PATL1: variants seen among roughly 807,000 people sequenced by gnomAD.
PATL1 encodes PAT1 homolog 1, processing body mRNA decay factor, also known as protein PAT1 homolog 1.
Under a neutral mutation model 100.6 loss-of-function variants are expected in PATL1, and 32 were observed. That is an observed-to-expected ratio of 0.32 (90% CI 0.24 to 0.43). The LOEUF (loss-of-function observed/expected upper bound fraction) is 0.43, where lower values mean the gene tolerates loss of function less well. Ranked by LOEUF, PATL1 falls within the 20% of genes least tolerant of loss-of-function variation. PATL1 has a pLI of 1.00. For synonymous variants in PATL1, 332 were observed against 330.0 expected, an observed-to-expected ratio of 1.01 and a Z score of -0.07; for missense variants, 747 against 949.9, an observed-to-expected ratio of 0.79 and a Z score of 2.81.
In PATL1 at chr11:59,656,554, C is replaced by T. The variant is rs778414069; in HGVS notation, c.668G>A (p.Arg223His). 8 of 1,613,854 alleles carry T rather than the reference C, an allele frequency of 5.0e-6. No individual in the cohort carries two copies. Among genetic ancestry groups the T allele is most frequent in the African/African-American group, 4.0e-5 (3 of 74,916 alleles). The change falls in exon 6 of 19, where the codon CGT becomes CAT. Residue 223 changes from arginine to histidine, a missense_variant. By Grantham distance (29) the Arg-to-His change is conservative. This residue lies in a region of PATL1 where 127 missense variants were observed against 116.0 expected (regional missense o/e 1.09). Coordinates refer to ENST00000300146, the MANE Select transcript of PATL1 (RefSeq NM_152716.3). The stretch of plus-strand genomic sequence containing the variant: ...CCTCTCACCATAGGGAGCAGGATAA[C>T]GAGGTGGCATTGGGGGCCGAACATG... ...PVHVRPPMPP[R>H]YPAPYGERMS...
At chr11:59,644,890 C>T (rs1479807670) in intron 15 of PATL1, among the ~76,000 whole-genome samples, 44 of 83,790 alleles carry the variant, frequency 5.3e-4, no homozygotes, top group East Asian at 1.4e-3. Flanking sequence ...ACTTCGTTTC[C>T]TTTTTTTTTT....
At chr11:59,638,637 A>G (rs1861227147) in intron 18 of PATL1, among the ~76,000 whole-genome samples, 2 of 152,146 alleles carry the variant, frequency 1.3e-5, no homozygotes, top group South Asian at 4.2e-4. Context: ...AATCTCTTCC[A>G]CCAAATTCAG....
chr11:59,636,956 G>A lies in PATL1; in HGVS notation c.*1434C>T, dbSNP rs1435265603. On this transcript the variant is annotated 3_prime_UTR_variant, in exon 19 of 19. Coordinates refer to ENST00000300146, the MANE Select transcript of PATL1 (RefSeq NM_152716.3). ...TAACATCACTGGGGAACAGCTGGTG[G>A]AGCCTGGGGTTACAGCATGGGAAGA... The A allele has an allele frequency of 6.5e-6, 1 of 152,706 alleles. No individual in the cohort carries two copies. Among genetic ancestry groups the A allele is most frequent in the African/African-American group, 2.4e-5 (1 of 41,426 alleles). The allele number at this position is 152,706 out of a possible 1,614,324, so 9.5% of individuals were successfully genotyped here. A position where few individuals can be genotyped will look rare whatever the true frequency, so the allele number is the denominator to read the frequency against.
chr11:59,668,827 AG>A, intron 1 of PATL1, 53 bp downstream of exon 1: 1 of 804,300 alleles, frequency 1.2e-6, no homozygotes. Flanking sequence ...AGAGAGAGTG[AG>A]GGAGAGGGGC....
chr11:59,666,062 C>T (rs948133848), intron 2 of PATL1, among the ~76,000 whole-genome samples: 24 of 152,012 alleles, frequency 1.6e-4, no homozygotes, highest in African/African-American at 4.8e-4. Flanking sequence ...CCGAGATGGG[C>T]GGATCACGAG....
chr11:59,663,040 T>C (rs1861647578), intron 2 of PATL1, among the ~76,000 whole-genome samples: 1 of 152,180 alleles, frequency 6.6e-6, no homozygotes, highest in Admixed American at 6.5e-5. Context: ...ATTTTAGAGA[T>C]ATTGTGCCCT....
In PATL1 at chr11:59,666,881, A is replaced by G. The variant is rs1861698043; in HGVS notation, c.99T>C (p.Asn33=). 1.3e-6 allele frequency: 2 copies of G among 1,550,988 alleles called. No individual in the cohort carries two copies. Among genetic ancestry groups the G allele is most frequent in the Non-Finnish European group, 1.7e-6 (2 of 1,146,880 alleles). Residue 33 remains asparagine (N), a synonymous_variant, in exon 2 of 19, where the codon AAT becomes AAC. Coordinates refer to ENST00000300146, the MANE Select transcript of PATL1 (RefSeq NM_152716.3). ...GEEDEEIDQF[N]DDTFGSGAVD... The stretch of plus-strand genomic sequence containing the variant: ...CTGCACCTGACCCAAATGTATCATC[A>G]TTGAATTGATCAATCTCTTCATCTT...
chr11:59,642,470 A>T (rs12291415), intron 16 of PATL1, among the ~76,000 whole-genome samples: 13,918 of 152,162 alleles, frequency 0.091, 1,141 homozygotes, highest in African/African-American at 0.22. Context: ...AACTCCTGGA[A>T]AAGGTCTCAA....
chr11:59,652,539 C>T lies in PATL1; in HGVS notation c.1351G>A (p.Gly451Ser), dbSNP rs765246939. Residue 451 changes from glycine (G) to serine (S), a missense_variant, in exon 11 of 19, where the codon GGT (glycine) becomes AGT (serine). Physicochemically the swap from Gly to Ser is moderately conservative, Grantham distance 56. Coordinates refer to ENST00000300146, the MANE Select transcript of PATL1 (RefSeq NM_152716.3). ...EKLSAAEEIQ[G>S]DGPKKERTKL... is the part of the protein sequence containing the mutation. The stretch of plus-strand genomic sequence containing the variant: ...GTGCGCTCCTTCTTAGGGCCATCAC[C>T]TTGTATTTCTTCAGCAGCTGACAGT... 3 of 1,613,912 alleles carry T rather than the reference C, an allele frequency of 1.9e-6. No individual in the cohort carries two copies. Among genetic ancestry groups the T allele is most frequent in the Non-Finnish European group, 2.5e-6 (3 of 1,179,870 alleles).
intron 15 of PATL1, among the ~76,000 whole-genome samples, chr11:59,644,885 GTTTCCTT>G (rs1463240638): frequency 2.7e-5 from 2 of 73,332 alleles, no homozygotes; most frequent in African/African-American, 1.0e-4. Context: ...GGGAGACTTC[GTTTCCTT>G]TTTTTTTTTT....
At chr11:59,653,124 C>A in intron 9 of PATL1, 106 bp from the exon 10 acceptor site, 2 of 975,854 alleles carry the variant, frequency 2.0e-6, no homozygotes, top group Non-Finnish European at 1.5e-6. Flanking sequence ...TAAAGATTCC[C>A]GTTTGCTTTT....
In PATL1 at chr11:59,656,035, A is replaced by G. The variant is rs751554236; in HGVS notation, c.734T>C (p.Leu245Pro). The G allele has an allele frequency of 8.1e-7, 1 of 1,229,626 alleles. No individual in the cohort carries two copies. Among genetic ancestry groups the G allele is most frequent in the Non-Finnish European group, 1.1e-6 (1 of 881,656 alleles). The allele number at this position is 1,229,626 out of a possible 1,614,324, so 76.2% of individuals were successfully genotyped here. A position where few individuals can be genotyped will look rare whatever the true frequency, so the allele number is the denominator to read the frequency against. ...ACTAGGAGGAAAAGGGTGACCCAGG[A>G]GGGAAGAGTTCTAAGGTAAAAAAAA... ...NQLCSVPNSS[L>P]LGHPFPPSVP... The change falls in exon 7 of 19, where the codon CTC (leucine) becomes CCC (proline). Residue 245 changes from leucine (L) to proline (P), a missense_variant. By Grantham distance (98) the Leu-to-Pro change is moderately conservative. Around this residue, in one of 4 missense-constraint regions of PATL1, gnomAD observed 127 missense variants for 116.0 expected, o/e 1.09. Coordinates refer to ENST00000300146, the MANE Select transcript of PATL1 (RefSeq NM_152716.3).
Position 59,638,115 on chromosome 11 carries a change from G to T in PATL1, c.*275C>A, listed in dbSNP as rs964170824. The T allele has an allele frequency of 8.1e-6, 4 of 494,716 alleles. No individual in the cohort carries two copies. The highest frequency in any genetic ancestry group is 1.5e-5 in the Non-Finnish European group (4 of 273,004). 30.6% of individuals were successfully genotyped at this position (494,716 alleles called of 1,614,324 possible). A position where few individuals can be genotyped will look rare whatever the true frequency, so the allele number is the denominator to read the frequency against. The stretch of plus-strand genomic sequence containing the variant: ...ATTACACTTGTGTCTCTAGGGCAAA[G>T]AAAATGCAAAACAGAACTGAGTAAA... On this transcript the variant is annotated 3_prime_UTR_variant, in exon 19 of 19. Coordinates refer to ENST00000300146, the MANE Select transcript of PATL1 (RefSeq NM_152716.3).
intron 16 of PATL1, 36 bp downstream of exon 16, chr11:59,642,844 T>C (rs1861306366): frequency 6.4e-7 from 1 of 1,569,032 alleles, no homozygotes; most frequent in East Asian, 2.3e-5. Flanking sequence ...ATTAAGACAT[T>C]TCACAAAGTT....
intron 15 of PATL1, among the ~76,000 whole-genome samples, chr11:59,644,909 T>A (rs57644151): frequency 0.025 from 2,783 of 111,556 alleles, 154 homozygotes; most frequent in African/African-American, 0.1. Flanking sequence ...TTTTTTTTTT[T>A]AAAAAAAAAA....
intron 2 of PATL1, among the ~76,000 whole-genome samples, chr11:59,661,839 A>G (rs904831537): frequency 1.3e-5 from 2 of 152,218 alleles, no homozygotes; most frequent in Non-Finnish European, 2.9e-5. Context: ...ATAACTACTG[A>G]TAGTAACTCA....
chr11:59,655,552 A>G lies in PATL1; in HGVS notation c.1002T>C (p.Pro334=), dbSNP rs1435189724. 1.3e-6 allele frequency: 2 copies of G among 1,585,354 alleles called. No homozygotes were observed. The highest frequency in any genetic ancestry group is 2.3e-5 in the East Asian group (1 of 43,806). The change falls in exon 8 of 19, where the codon CCT becomes CCC. Residue 334 remains proline (P), a synonymous_variant. Coordinates refer to ENST00000300146, the MANE Select transcript of PATL1 (RefSeq NM_152716.3). ...GGTTTTGCAGGTGGGGTCCTGGGCC[A>G]GGAGGGTGCTGCTGTGGAGGTGGTG... ...SATPPPQQHP[P]GPGPHLQNLR...
intron 1 of PATL1, 39 bp downstream of exon 1, chr11:59,668,842 G>T: frequency 8.0e-7 from 1 of 1,247,126 alleles, no homozygotes; most frequent in Admixed American, 2.4e-5. Context: ...GAGGGGCGCG[G>T]GAGGGAGGGA....
At position 59,639,153 on chromosome 11, in the gene PATL1, G is replaced by C; in HGVS notation, c.2186C>G (p.Pro729Arg). The change falls in exon 18 of 19, where the codon CCC (proline) becomes CGC (arginine). Residue 729 changes from proline (P) to arginine (R), a missense_variant. By Grantham distance (103) the Pro-to-Arg change is moderately radical. Coordinates refer to ENST00000300146, the MANE Select transcript of PATL1 (RefSeq NM_152716.3). ...GATTGGCTTGGCCAGGGCTGCTTGG[G>C]GAATCCGCAGAAGTTCTCGTGTTGC... The part of the protein sequence containing the change: ...FMATRELLRI[P>R]QAALAKPISI... The C allele has an allele frequency of 6.2e-7, 1 of 1,613,988 alleles. No homozygotes were observed.
Sources: allele counts gnomAD v4.1 joint callset (sites outside exome capture counted in the v4.1 genomes callset), GRCh38; gene constraint gnomAD v4.1.1; regional missense constraint gnomAD v4.1.1; transcripts MANE v1.5; gene names NCBI Gene and HGNC (gene_info 2026-07-23, HGNC 2026-07-21).